Variants in FHIT observed in about 807,000 individuals in gnomAD.
FHIT encodes fragile histidine triad diadenosine triphosphatase.
Under a neutral mutation model 17.9 loss-of-function variants are expected in FHIT, and 19 were observed. The ratio of observed to expected loss-of-function variants is 1.06; its 90% CI spans 0.74 to 1.56. The LOEUF is 1.56. Ranked by LOEUF, FHIT falls within the 40% of genes most tolerant of loss-of-function variation. The pLI is 0.00. For missense variants in FHIT, 248 were observed against 189.2 expected (o/e 1.31, Z -1.82); for synonymous variants, 81 against 69.7 (o/e 1.16, Z -0.81).
chr3:61,171,908 C>G (rs1271492189), intron 2 of FHIT, among the ~76,000 whole-genome samples: 1 of 152,166 alleles, frequency 6.6e-6, no homozygotes, highest in Non-Finnish European at 1.5e-5. Context: ...TAACTACTGC[C>G]AGAATTTTTA....
chr3:60,030,753 T>C (rs572795124), intron 5 of FHIT, among the ~76,000 whole-genome samples: 146 of 152,204 alleles, frequency 9.6e-4, no homozygotes, highest in Middle Eastern at 3.4e-3. Flanking sequence ...GGACGGATGG[T>C]AGATGACTGG....
chr3:61,017,805 A>C (rs2107638518), intron 3 of FHIT, among the ~76,000 whole-genome samples: 1 of 152,352 alleles, frequency 6.6e-6, no homozygotes, highest in South Asian at 2.1e-4. Context: ...GAATCACAAG[A>C]AATAATCAGC....
chr3:60,062,845 T>C (rs6803991), intron 5 of FHIT, among the ~76,000 whole-genome samples: 1,842 of 152,176 alleles, frequency 0.012, 42 homozygotes, highest in African/African-American at 0.042. Flanking sequence ...CATTAAACCA[T>C]CTCAGAGTTA....
chr3:59,986,956 T>C (rs1336250940), intron 7 of FHIT, among the ~76,000 whole-genome samples: 1 of 125,458 alleles, frequency 8.0e-6, no homozygotes, highest in African/African-American at 3.0e-5. Flanking sequence ...CATATATGTA[T>C]ATATGTATAG....
chr3:60,163,010 A>T (rs1701006713), intron 5 of FHIT, among the ~76,000 whole-genome samples: 1 of 152,322 alleles, frequency 6.6e-6, no homozygotes, highest in African/African-American at 2.4e-5. Flanking sequence ...AAATTCTAAC[A>T]AAGGTCCTAG....
At chr3:60,921,230 A>G (rs1369118993) in intron 3 of FHIT, among the ~76,000 whole-genome samples, 1 of 152,212 alleles carries the variant, frequency 6.6e-6, no homozygotes, top group Non-Finnish European at 1.5e-5. Flanking sequence ...CATAAAATGC[A>G]TGGGCCGTAT....
Position 61,101,357 on chromosome 3 carries a change from G to A in FHIT, c.-163-59258C>T, listed in dbSNP as rs191971431. 3.3e-5 allele frequency among the ~76,000 whole-genome samples: 5 copies of A among 152,286 alleles called. No individual in the cohort carries two copies. The East Asian group carries it at 9.6e-4, about 29-fold the overall frequency. ...TCTTGATTTTGTCAGGTGTGTCAAAGATCAGATGGTTGTAGATGTGTGGTG... is the reference window on the plus strand; with the variant it reads ...TCTTGATTTTGTCAGGTGTGTCAAAAATCAGATGGTTGTAGATGTGTGGTG... On this transcript the variant is annotated intron_variant, in intron 2 of 9. Coordinates refer to ENST00000492590, the MANE Select transcript of FHIT (RefSeq NM_002012.4).
intron 3 of FHIT, among the ~76,000 whole-genome samples, chr3:60,979,404 C>T (rs1575787745): frequency 6.6e-6 from 1 of 152,132 alleles, no homozygotes; most frequent in East Asian, 1.9e-4. Context: ...GCAGACTGAA[C>T]AAAGCGCTCA....
At chr3:60,704,799 T>C (rs2041333051) in intron 4 of FHIT, among the ~76,000 whole-genome samples, 1 of 152,170 alleles carries the variant, frequency 6.6e-6, no homozygotes, top group Non-Finnish European at 1.5e-5. Flanking sequence ...TAAAAAATAA[T>C]GTTGTTAAAA....
intron 5 of FHIT, among the ~76,000 whole-genome samples, chr3:60,267,679 A>G (rs969106550): frequency 1.3e-5 from 2 of 152,114 alleles, no homozygotes; most frequent in Non-Finnish European, 2.9e-5. Context: ...TACATCATTA[A>G]TTCGTTTAGT....
intron 5 of FHIT, among the ~76,000 whole-genome samples, chr3:60,257,939 G>C (rs565980806): frequency 6.6e-6 from 1 of 152,172 alleles, no homozygotes; most frequent in East Asian, 1.9e-4. Context: ...AGAGCTAATG[G>C]ATGCTGGGCT....
intron 3 of FHIT, among the ~76,000 whole-genome samples, chr3:61,013,927 G>A (rs2031933726): frequency 6.6e-6 from 1 of 152,094 alleles, no homozygotes; most frequent in Admixed American, 6.5e-5. Context: ...ATCTTTATAA[G>A]TCCTTTGACC....
At chr3:61,124,828 T>C (rs987388392) in intron 2 of FHIT, among the ~76,000 whole-genome samples, 1 of 152,188 alleles carries the variant, frequency 6.6e-6, no homozygotes, top group African/African-American at 2.4e-5. Flanking sequence ...GTAAATGTGA[T>C]TTTTTAAACT....
intron 5 of FHIT, among the ~76,000 whole-genome samples, chr3:60,273,100 A>G (rs1706949882): frequency 1.3e-5 from 2 of 152,204 alleles, no homozygotes; most frequent in Admixed American, 1.3e-4. Context: ...GATTTACATA[A>G]AGAGAACATC....
chr3:60,552,971 C>A (rs1474468480), intron 4 of FHIT, among the ~76,000 whole-genome samples: 3 of 152,020 alleles, frequency 2.0e-5, no homozygotes, highest in African/African-American at 7.3e-5. Flanking sequence ...CTACATGGTC[C>A]CGGTCTGAGT....
chr3:60,890,744 C>T (rs1367481566), intron 3 of FHIT, among the ~76,000 whole-genome samples: 1 of 152,148 alleles, frequency 6.6e-6, no homozygotes, highest in Non-Finnish European at 1.5e-5. Context: ...CTGCCTAGAA[C>T]AGACTGCCCT....
intron 8 of FHIT, among the ~76,000 whole-genome samples, chr3:59,912,086 T>C (rs1363134610): frequency 6.6e-6 from 1 of 152,232 alleles, no homozygotes; most frequent in Admixed American, 6.5e-5. Flanking sequence ...CCTCCGTTTC[T>C]ACACATGATG....
intron 5 of FHIT, among the ~76,000 whole-genome samples, chr3:60,145,204 T>C (rs1028578756): frequency 6.6e-6 from 1 of 152,212 alleles, no homozygotes; most frequent in African/African-American, 2.4e-5. Context: ...TACACAGACC[T>C]CGGTGTTATT....
chr3:60,629,615 A>G (rs1388094798), intron 4 of FHIT, among the ~76,000 whole-genome samples: 1 of 152,216 alleles, frequency 6.6e-6, no homozygotes, highest in Non-Finnish European at 1.5e-5. Context: ...CAACTCAAGG[A>G]AAGTAAAATG....
Sources: gnomAD v4.1 joint callset for allele counts (sites outside exome capture counted in the v4.1 genomes callset) on GRCh38, gnomAD v4.1.1 for gene constraint, MANE v1.5 for transcripts, NCBI Gene and HGNC (gene_info 2026-07-23, HGNC 2026-07-21) for gene names.